CREBRF: variants seen among roughly 807,000 people sequenced by gnomAD.
The protein encoded by CREBRF is UPF0474 protein C5orf41.
CREBRF carries 5 observed loss-of-function variants against 66.1 expected under a neutral mutation model. The ratio of observed to expected loss-of-function variants is 0.08; its 90% CI spans 0.04 to 0.16. The LOEUF (loss-of-function observed/expected upper bound fraction) is 0.16. Ranked by LOEUF, CREBRF falls within the 10% of genes least tolerant of loss-of-function variation. The pLI is 1.00. For synonymous variants in CREBRF, 229 were observed against 264.4 expected, an observed-to-expected ratio of 0.87 and a Z score of 1.30; for missense variants, 531 against 744.9, an observed-to-expected ratio of 0.71 and a Z score of 3.34.
At chr5:173,118,839 G>A (rs982281330) in intron 7 of CREBRF, among the ~76,000 whole-genome samples, 1 of 150,248 alleles carries the variant, frequency 6.7e-6, no homozygotes, top group Non-Finnish European at 1.5e-5. Context: ...AAGAGTTCAA[G>A]ACCAACCTGG....
chr5:173,114,894 A>G (rs1018515527), intron 7 of CREBRF, among the ~76,000 whole-genome samples: 1 of 152,172 alleles, frequency 6.6e-6, no homozygotes, highest in African/African-American at 2.4e-5. Context: ...GCATCAGAGG[A>G]GGAGGATCTG....
At chr5:173,124,563 A>G (rs1759217521) in intron 8 of CREBRF, 2 of 125,442 alleles carry the variant, frequency 1.6e-5, no homozygotes, top group Non-Finnish European at 3.8e-5. Flanking sequence ...CTGTCTCAAA[A>G]AAAAAAAAAA....
At chr5:173,092,576 A>T (rs900813834) in intron 4 of CREBRF, among the ~76,000 whole-genome samples, 2 of 152,008 alleles carry the variant, frequency 1.3e-5, no homozygotes, top group Admixed American at 6.6e-5. Flanking sequence ...CTAACTCTGC[A>T]TGAAAACTAA....
chr5:173,129,959 G>A (rs573550596), intron 8 of CREBRF, among the ~76,000 whole-genome samples: 1 of 152,132 alleles, frequency 6.6e-6, no homozygotes, highest in African/African-American at 2.4e-5. Flanking sequence ...CTGAGTAGCT[G>A]GGATTACAGG....
chr5:173,108,025 T>A lies in CREBRF; in HGVS notation c.1223-599T>A, dbSNP rs998285096. Among the ~76,000 whole-genome samples, 4 of 151,620 alleles carry A rather than the reference T, an allele frequency of 2.6e-5. 1 individual carries two copies. The highest frequency in any genetic ancestry group is 2.6e-4 in the Admixed American group (4 of 15,190). ...TTTTTGTGTTTTTTAGTAGAGACGA[T>A]TTTGCCATGTTGGCCAGGTTGGTCT... On this transcript the variant is annotated intron_variant, in intron 4 of 8. Transcript: ENST00000296953.
chr5:173,129,022 C>G (rs570765912), intron 8 of CREBRF, among the ~76,000 whole-genome samples: 2 of 151,004 alleles, frequency 1.3e-5, no homozygotes, highest in Admixed American at 6.6e-5. Flanking sequence ...CCTCGTGATC[C>G]ACCCGCCTCG....
intron 2 of CREBRF, among the ~76,000 whole-genome samples, chr5:173,082,127 C>T (rs1403830684): frequency 6.7e-6 from 1 of 150,092 alleles, no homozygotes; most frequent in Non-Finnish European, 1.5e-5. Flanking sequence ...CATTCTCCTG[C>T]CTCAGCCTCC....
chr5:173,122,288 C>T (rs1034503464), intron 7 of CREBRF, among the ~76,000 whole-genome samples: 10 of 152,106 alleles, frequency 6.6e-5, no homozygotes, highest in African/African-American at 2.4e-4. Flanking sequence ...TTTTATTAGA[C>T]ACAGGGTTTC....
At chr5:173,089,842 T>C (rs1272369359) in intron 3 of CREBRF, among the ~76,000 whole-genome samples, 1 of 152,124 alleles carries the variant, frequency 6.6e-6, no homozygotes, top group African/African-American at 2.4e-5. Flanking sequence ...GATATCCTCT[T>C]CTGTAATGAG....
At chr5:173,093,221 T>C (rs1025631342) in intron 4 of CREBRF, among the ~76,000 whole-genome samples, 5 of 152,134 alleles carry the variant, frequency 3.3e-5, no homozygotes, top group Admixed American at 2.6e-4. Context: ...TAAAGGAATA[T>C]ATAGATCAGA....
In CREBRF at chr5:173,123,210, GA is replaced by G; in HGVS notation, c.1804+10del. On this transcript the variant is annotated intron_variant, in intron 8 of 8. Coordinates refer to ENST00000296953, the MANE Select transcript of CREBRF (RefSeq NM_153607.3). ...TCATTAAAGATACTCTCGGTAAGAAGAATGCGAGATAAATTCATAACAATTA... is the reference window on the plus strand; with the variant it reads ...TCATTAAAGATACTCTCGGTAAGAAGATGCGAGATAAATTCATAACAATTA... 1 of 1,594,146 alleles carries G rather than the reference GA, an allele frequency of 6.3e-7. No individual in the cohort carries two copies. The highest frequency in any genetic ancestry group is 8.5e-7 in the Non-Finnish European group (1 of 1,174,704).
chr5:173,122,867 C>T (rs1043397143), intron 7 of CREBRF, among the ~76,000 whole-genome samples: 10 of 145,924 alleles, frequency 6.9e-5, no homozygotes, highest in African/African-American at 2.5e-4. Flanking sequence ...TTTGTCCTTG[C>T]GATAGTTTAC....
At chr5:173,075,726 C>T (rs929990854) in intron 1 of CREBRF, among the ~76,000 whole-genome samples, 1 of 151,926 alleles carries the variant, frequency 6.6e-6, no homozygotes, top group Non-Finnish European at 1.5e-5. Context: ...TGTTTCGTTG[C>T]CTCCTTGCCT....
chr5:173,064,461 G>T (rs1236979370), intron 1 of CREBRF, among the ~76,000 whole-genome samples: 3 of 152,006 alleles, frequency 2.0e-5, no homozygotes, highest in African/African-American at 7.3e-5. Flanking sequence ...ACGGCTCACT[G>T]CAGCCTTGAC....
chr5:173,070,809 T>C (rs1757576287), intron 1 of CREBRF, among the ~76,000 whole-genome samples: 1 of 152,098 alleles, frequency 6.6e-6, no homozygotes, highest in Non-Finnish European at 1.5e-5. Context: ...ATTGAATAAT[T>C]GACTTTTTTG....
intron 4 of CREBRF, among the ~76,000 whole-genome samples, chr5:173,107,846 G>A (rs1309498806): frequency 7.2e-6 from 1 of 138,346 alleles, no homozygotes. Flanking sequence ...TTTTTTTGGA[G>A]ACAGAGTGAG....
chr5:173,072,829 T>C (rs1179895193), intron 1 of CREBRF, among the ~76,000 whole-genome samples: 5 of 151,822 alleles, frequency 3.3e-5, no homozygotes, highest in African/African-American at 1.2e-4. Flanking sequence ...CAAGTAAGGG[T>C]TGAAAAAGAG....
At chr5:173,078,892 G>A (rs1757849581) in intron 1 of CREBRF, among the ~76,000 whole-genome samples, 1 of 152,042 alleles carries the variant, frequency 6.6e-6, no homozygotes, top group Non-Finnish European at 1.5e-5. Flanking sequence ...CCAAATCCAG[G>A]TTTTATGCCA....
In CREBRF at chr5:173,137,892, T is replaced by C. The variant is rs1291242216; in HGVS notation, c.*4147T>C. The stretch of plus-strand genomic sequence containing the variant: ...AACAAAAACTTATGTTCCCTTTCTT[T>C]ATATAGTTTCCTAAAATTCTGTTCA... On this transcript the variant is annotated 3_prime_UTR_variant, in exon 9 of 9. Transcript: ENST00000296953. The C allele has an allele frequency of 6.6e-6, 1 of 152,180 alleles. No homozygotes were observed. Among genetic ancestry groups the C allele is most frequent in the Non-Finnish European group, 1.5e-5 (1 of 67,996 alleles). 9.4% of individuals were successfully genotyped at this position (152,180 alleles called of 1,614,324 possible).
Sources: gnomAD v4.1 joint callset for allele counts (sites outside exome capture counted in the v4.1 genomes callset) on GRCh38, gnomAD v4.1.1 for gene constraint, MANE v1.5 for transcripts, NCBI Gene and HGNC (gene_info 2026-07-23, HGNC 2026-07-21) for gene names.